PPP3CA: variants seen among roughly 807,000 people sequenced by gnomAD.
PPP3CA encodes the protein CAM-PRP catalytic subunit.
PPP3CA carries 14 observed loss-of-function variants against 66.5 expected under a neutral mutation model. The observed-to-expected ratio is 0.21, with a 90% confidence interval of 0.14 to 0.33. PPP3CA has a LOEUF of 0.33. Ranked by LOEUF, PPP3CA falls within the 10% of genes least tolerant of loss-of-function variation. PPP3CA has a pLI of 1.00. For synonymous variants in PPP3CA, 232 were observed against 226.2 expected (o/e 1.03, Z -0.23); for missense variants, 317 against 639.5 (o/e 0.50, Z 5.44).
intron 1 of PPP3CA, among the ~76,000 whole-genome samples, chr4:101,311,928 A>C (rs892188935): frequency 2.6e-5 from 4 of 152,190 alleles, no homozygotes; most frequent in African/African-American, 9.7e-5. Flanking sequence ...GAAGACACAC[A>C]TACAATCAAT....
intron 1 of PPP3CA, among the ~76,000 whole-genome samples, chr4:101,309,730 A>G (rs1447185487): frequency 2.0e-5 from 3 of 152,198 alleles, no homozygotes; most frequent in Non-Finnish European, 4.4e-5. Context: ...TTCTTGTTGC[A>G]GTCTCCCTAA....
At chr4:101,092,811 A>C (rs1424911851) in intron 6 of PPP3CA, among the ~76,000 whole-genome samples, 1 of 152,190 alleles carries the variant, frequency 6.6e-6, no homozygotes, top group Non-Finnish European at 1.5e-5. Flanking sequence ...GCTGCATAGT[A>C]TTCCATGGTG....
chr4:101,310,644 G>C (rs924969949), intron 1 of PPP3CA, among the ~76,000 whole-genome samples: 2 of 152,164 alleles, frequency 1.3e-5, no homozygotes, highest in African/African-American at 4.8e-5. Flanking sequence ...CTGCACTCCA[G>C]CCTAAGTGAC....
At chr4:101,315,464 T>G (rs1728856250) in intron 1 of PPP3CA, among the ~76,000 whole-genome samples, 1 of 152,214 alleles carries the variant, frequency 6.6e-6, no homozygotes, top group African/African-American at 2.4e-5. Context: ...ATTCATGCTC[T>G]TTCCCCCATG....
chr4:101,259,352 CAGCA>C (rs3077988), intron 1 of PPP3CA, among the ~76,000 whole-genome samples: 2 of 150,912 alleles, frequency 1.3e-5, no homozygotes, highest in Admixed American at 6.6e-5. Flanking sequence ...TTCATTCATT[CAGCA>C]AGCAAGCAAG....
intron 2 of PPP3CA, among the ~76,000 whole-genome samples, chr4:101,149,691 T>C (rs1723077488): frequency 6.6e-6 from 1 of 152,130 alleles, no homozygotes; most frequent in Non-Finnish European, 1.5e-5. Flanking sequence ...CAAACATTTA[T>C]CAAACACTCA....
chr4:101,088,843 G>GT (rs1729788360), intron 6 of PPP3CA, among the ~76,000 whole-genome samples: 1 of 152,106 alleles, frequency 6.6e-6, no homozygotes, highest in Non-Finnish European at 1.5e-5. Flanking sequence ...AGGCAGCATG[G>GT]TTTAGATGCT....
At chr4:101,151,473 C>T (rs924330694) in intron 2 of PPP3CA, among the ~76,000 whole-genome samples, 1 of 150,386 alleles carries the variant, frequency 6.6e-6, no homozygotes, top group African/African-American at 2.4e-5. Context: ...GGCAGAGAAT[C>T]GCTTGAACCC....
chr4:101,181,909 C>T (rs1482423121), intron 2 of PPP3CA, among the ~76,000 whole-genome samples: 1 of 151,854 alleles, frequency 6.6e-6, no homozygotes, highest in African/African-American at 2.4e-5. Flanking sequence ...TAAGAGTTGA[C>T]AATAATTTGA....
intron 1 of PPP3CA, among the ~76,000 whole-genome samples, chr4:101,289,507 A>G (rs904361917): frequency 4.6e-5 from 7 of 152,214 alleles, no homozygotes; most frequent in African/African-American, 1.7e-4. Flanking sequence ...AGATGTTTCC[A>G]GTTGCCTTCC....
chr4:101,333,354 C>T (rs1729507812), intron 1 of PPP3CA, among the ~76,000 whole-genome samples: 1 of 118,818 alleles, frequency 8.4e-6, no homozygotes, highest in Non-Finnish European at 1.6e-5. Context: ...GTCTCAAATT[C>T]CTAGGCTCAA....
At chr4:101,234,943 A>G (rs1726078777) in intron 1 of PPP3CA, among the ~76,000 whole-genome samples, 2 of 151,802 alleles carry the variant, frequency 1.3e-5, no homozygotes, top group Admixed American at 1.3e-4. Flanking sequence ...ATTAGAAGAA[A>G]TGTGAAGATA....
At chr4:101,219,210 A>C (rs1725547190) in intron 1 of PPP3CA, among the ~76,000 whole-genome samples, 1 of 152,030 alleles carries the variant, frequency 6.6e-6, no homozygotes, top group African/African-American at 2.4e-5. Context: ...TGCATCTGGA[A>C]AGTATACTAT....
intron 2 of PPP3CA, among the ~76,000 whole-genome samples, chr4:101,171,927 T>C (rs138658980): frequency 1.2e-3 from 180 of 152,294 alleles, no homozygotes; most frequent in African/African-American, 4.0e-3. Flanking sequence ...GCCTAATGCA[T>C]GACAGCATTC....
chr4:101,129,734 A>T (rs886248373), intron 2 of PPP3CA, among the ~76,000 whole-genome samples: 6 of 152,214 alleles, frequency 3.9e-5, no homozygotes, highest in African/African-American at 1.4e-4. Flanking sequence ...CAGAAACTCC[A>T]TCTGAAGGTC....
intron 2 of PPP3CA, among the ~76,000 whole-genome samples, chr4:101,169,734 T>C (rs925076935): frequency 4.2e-4 from 30 of 71,730 alleles, no homozygotes; most frequent in Non-Finnish European, 7.8e-4. Context: ...AAGAAGTAAA[T>C]GCCTTTTTTT....
chr4:101,159,597 A>G (rs1723436514), intron 2 of PPP3CA, among the ~76,000 whole-genome samples: 1 of 152,166 alleles, frequency 6.6e-6, no homozygotes, highest in East Asian at 1.9e-4. Context: ...CAGCTTTATT[A>G]ATGGTTAATA....
At chr4:101,249,378 T>G (rs1726599877) in intron 1 of PPP3CA, among the ~76,000 whole-genome samples, 1 of 152,114 alleles carries the variant, frequency 6.6e-6, no homozygotes, top group South Asian at 2.1e-4. Context: ...ATGCCTTTGG[T>G]ATTATTTATC....
chr4:101,330,579 C>A (rs939432590), intron 1 of PPP3CA, among the ~76,000 whole-genome samples: 3 of 152,128 alleles, frequency 2.0e-5, no homozygotes, highest in African/African-American at 7.2e-5. Flanking sequence ...GTAAACATAA[C>A]TTTAACATGC....
Sources: allele counts gnomAD v4.1 joint callset (sites outside exome capture counted in the v4.1 genomes callset), GRCh38; gene constraint gnomAD v4.1.1; transcripts MANE v1.5; gene names NCBI Gene and HGNC (gene_info 2026-07-23, HGNC 2026-07-21).